The following ATP2B2 variants were observed in gnomAD, a reference collection of about 807,000 sequenced individuals.
The protein encoded by ATP2B2 is ATPase plasma membrane Ca2+ transporting 2, also known as plasma membrane calcium-transporting ATPase 2.
Under a neutral mutation model 120.0 loss-of-function variants are expected in ATP2B2, and 15 were observed. The ratio of observed to expected loss-of-function variants is 0.12; its 90% CI spans 0.08 to 0.19. The LOEUF (loss-of-function observed/expected upper bound fraction) is 0.19. Ranked by LOEUF, ATP2B2 falls within the 10% of genes least tolerant of loss-of-function variation. The pLI is 1.00. For missense variants in ATP2B2, 1,045 were observed against 1,719.8 expected (o/e 0.61, Z 6.94); for synonymous variants, 694 against 700.3 (o/e 0.99, Z 0.14).
intron 6 of ATP2B2, chr3:10,387,804 T>C (rs758354756): frequency 4.3e-6 from 1 of 233,716 alleles, no homozygotes; most frequent in Non-Finnish European, 8.6e-6. Context: ...TTTGGAGCCA[T>C]GCATCTGGCT....
rs557373067 is a variant in ATP2B2 at position 10,530,654 on chromosome 3, A to C, written c.-320+3385T>G. Among the ~76,000 whole-genome samples, 11 of 152,310 alleles carry C rather than the reference A, an allele frequency of 7.2e-5. No homozygotes were observed. The South Asian group carries it at 2.1e-3, about 29-fold the overall frequency. On this transcript the variant is annotated intron_variant, in intron 3 of 21. Transcript: ENST00000646379. ...TTGCAGGGAAAAGTTCAAACTCCCCAAAAGGATAAGCTGTTTAAGAATCCT... is the reference window on the plus strand; with the variant it reads ...TTGCAGGGAAAAGTTCAAACTCCCCCAAAGGATAAGCTGTTTAAGAATCCT...
chr3:10,492,651 C>T (rs2065977666), intron 1 of ATP2B2, among the ~76,000 whole-genome samples: 1 of 152,162 alleles, frequency 6.6e-6, no homozygotes, highest in Non-Finnish European at 1.5e-5. Context: ...GCGACTGCAC[C>T]CCCTTTGCCC....
intron 1 of ATP2B2, among the ~76,000 whole-genome samples, chr3:10,478,994 T>G (rs937509770): frequency 6.6e-5 from 10 of 152,196 alleles, no homozygotes; most frequent in Non-Finnish European, 4.4e-5. Flanking sequence ...TCTGCCACCA[T>G]GTAAGATGTG....
intron 1 of ATP2B2, among the ~76,000 whole-genome samples, chr3:10,669,553 C>G (rs1271918024): frequency 6.6e-6 from 1 of 152,170 alleles, no homozygotes; most frequent in African/African-American, 2.4e-5. Context: ...AATACAGGAG[C>G]TGGGCCCCTC....
At chr3:10,445,777 T>C (rs544602207) in intron 2 of ATP2B2, among the ~76,000 whole-genome samples, 3 of 152,318 alleles carry the variant, frequency 2.0e-5, no homozygotes, top group East Asian at 3.9e-4. Flanking sequence ...TCCCTACTCG[T>C]CAGCAGATTA....
At chr3:10,683,212 A>G (rs1409107473) in intron 1 of ATP2B2, among the ~76,000 whole-genome samples, 1 of 151,918 alleles carries the variant, frequency 6.6e-6, no homozygotes, top group Non-Finnish European at 1.5e-5. Context: ...ATAGAAGTCA[A>G]ATCACAAGGG....
chr3:10,525,046 C>T (rs2067063908), intron 3 of ATP2B2, among the ~76,000 whole-genome samples: 1 of 152,158 alleles, frequency 6.6e-6, no homozygotes, highest in South Asian at 2.1e-4. Flanking sequence ...CAGGAGCTAC[C>T]TATGAACACT....
At chr3:10,415,404 G>C (rs1012456684) in intron 2 of ATP2B2, among the ~76,000 whole-genome samples, 1 of 152,168 alleles carries the variant, frequency 6.6e-6, no homozygotes, top group East Asian at 1.9e-4. Flanking sequence ...TCAAGGTGAG[G>C]AGAGGCACAG....
At chr3:10,548,887 T>C (rs894885440) in intron 2 of ATP2B2, among the ~76,000 whole-genome samples, 3 of 152,248 alleles carry the variant, frequency 2.0e-5, no homozygotes, top group Non-Finnish European at 4.4e-5. Context: ...CAGGCTTGTT[T>C]AGCCTCAGAG....
chr3:10,334,088 G>A (rs1424080192), intron 22 of ATP2B2, among the ~76,000 whole-genome samples: 1 of 152,262 alleles, frequency 6.6e-6, no homozygotes, highest in Non-Finnish European at 1.5e-5. Context: ...TGAGCGGACA[G>A]CTCTAGCTTC....
At chr3:10,603,959 T>C (rs1020417420) in intron 2 of ATP2B2, among the ~76,000 whole-genome samples, 3 of 152,128 alleles carry the variant, frequency 2.0e-5, no homozygotes, top group Non-Finnish European at 2.9e-5. Context: ...CTGAGAGATA[T>C]ATGTTTGACT....
At chr3:10,702,718 G>A (rs1050101896) in intron 1 of ATP2B2, among the ~76,000 whole-genome samples, 1 of 152,122 alleles carries the variant, frequency 6.6e-6, no homozygotes, top group African/African-American at 2.4e-5. Flanking sequence ...TTTAAATAAG[G>A]AACCGGGTCA....
chr3:10,378,147 G>A (rs2061429961), intron 10 of ATP2B2, 105 bp downstream of exon 10: 1 of 1,467,144 alleles, frequency 6.8e-7, no homozygotes, highest in Non-Finnish European at 9.1e-7. Flanking sequence ...ACTCATTCAA[G>A]CCCCCCACTT....
chr3:10,418,660 G>T (rs549724538), intron 2 of ATP2B2, among the ~76,000 whole-genome samples: 1 of 152,350 alleles, frequency 6.6e-6, no homozygotes, highest in South Asian at 2.1e-4. Context: ...CCTGGTGAGA[G>T]CAGGAATACA....
chr3:10,398,135 T>C (rs1016948242), intron 5 of ATP2B2, among the ~76,000 whole-genome samples: 4 of 152,156 alleles, frequency 2.6e-5, no homozygotes, highest in African/African-American at 9.7e-5. Context: ...CTTGTGCTTG[T>C]GGGCTCTGAG....
At chr3:10,336,519 G>T (rs2060122005) in intron 22 of ATP2B2, among the ~76,000 whole-genome samples, 1 of 152,222 alleles carries the variant, frequency 6.6e-6, no homozygotes. Flanking sequence ...GGACACAGGG[G>T]GTCCGGCCTT....
intron 2 of ATP2B2, among the ~76,000 whole-genome samples, chr3:10,556,152 G>A (rs529003511): frequency 1.3e-5 from 2 of 152,270 alleles, no homozygotes; most frequent in South Asian, 2.1e-4. Flanking sequence ...TGCCCTCCTT[G>A]GCCTCCCAAA....
At chr3:10,624,593 C>T (rs529981186) in intron 1 of ATP2B2, among the ~76,000 whole-genome samples, 6 of 152,278 alleles carry the variant, frequency 3.9e-5, no homozygotes, top group Non-Finnish European at 7.4e-5. Context: ...TAGCAAGCAG[C>T]ACGGCTTTGT....
intron 3 of ATP2B2, among the ~76,000 whole-genome samples, chr3:10,511,244 A>G (rs1179607821): frequency 1.3e-5 from 2 of 151,998 alleles, no homozygotes; most frequent in Non-Finnish European, 2.9e-5. Context: ...TCCTCCATGA[A>G]GCCTTCCTTG....
Sources: gnomAD v4.1 joint callset for allele counts (sites outside exome capture counted in the v4.1 genomes callset) on GRCh38, gnomAD v4.1.1 for gene constraint, MANE v1.5 for transcripts, NCBI Gene and HGNC (gene_info 2026-07-23, HGNC 2026-07-21) for gene names.